The following WDR72 variants were observed in gnomAD, a reference collection of about 807,000 sequenced individuals.
The protein encoded by WDR72 is WD repeat-containing protein 72.
In WDR72, 120 loss-of-function variants were observed where a neutral mutation model predicts 124.2. The observed-to-expected ratio is 0.97, with a 90% CI of 0.83 to 1.12. The LOEUF is 1.12. Ranked by LOEUF, WDR72 falls within the 50% of genes most tolerant of loss-of-function variation. WDR72 has a pLI of 0.00. For missense variants in WDR72, 1,387 were observed against 1,278.8 expected, an observed-to-expected ratio of 1.08 and a Z score of -1.29; for synonymous variants, 452 against 441.7, an observed-to-expected ratio of 1.02 and a Z score of -0.29.
At chr15:53,642,210 G>A (rs2014878442) in intron 14 of WDR72, among the ~76,000 whole-genome samples, 2 of 151,926 alleles carry the variant, frequency 1.3e-5, no homozygotes, top group Admixed American at 1.3e-4. Context: ...CATTATAATA[G>A]CATAAACTAG....
chr15:53,665,368 C>A (rs953210422), intron 14 of WDR72, among the ~76,000 whole-genome samples: 1 of 152,112 alleles, frequency 6.6e-6, no homozygotes, highest in African/African-American at 2.4e-5. Context: ...AAGCCAGAAC[C>A]TATTTTGTCA....
chr15:53,644,386 C>G (rs2014966712), intron 14 of WDR72, among the ~76,000 whole-genome samples: 1 of 152,038 alleles, frequency 6.6e-6, no homozygotes, highest in Non-Finnish European at 1.5e-5. Flanking sequence ...ATTTTATCTT[C>G]ATTGACAGAA....
intron 17 of WDR72, among the ~76,000 whole-genome samples, chr15:53,601,639 G>A (rs1199718925): frequency 1.3e-5 from 2 of 152,108 alleles, no homozygotes; most frequent in East Asian, 3.8e-4. Context: ...TAAAGGGTTG[G>A]AGGAAAATCT....
chr15:53,589,055 T>C (rs2012361926), intron 18 of WDR72, among the ~76,000 whole-genome samples: 2 of 151,888 alleles, frequency 1.3e-5, no homozygotes, highest in African/African-American at 4.8e-5. Flanking sequence ...AAACTGTAAC[T>C]GAATAAGGAG....
intron 1 of WDR72, among the ~76,000 whole-genome samples, chr15:53,757,488 T>C (rs2018940599): frequency 1.3e-5 from 2 of 151,864 alleles, no homozygotes; most frequent in African/African-American, 4.8e-5. Flanking sequence ...CCAGGCATGG[T>C]GGCAGGCACC....
At chr15:53,579,462 T>G (rs1039239420) in intron 18 of WDR72, among the ~76,000 whole-genome samples, 1 of 152,204 alleles carries the variant, frequency 6.6e-6, no homozygotes, top group South Asian at 2.1e-4. Context: ...CCCTATCTTT[T>G]GGTGTGTGGT....
intron 1 of WDR72, among the ~76,000 whole-genome samples, chr15:53,739,081 C>T (rs1439381544): frequency 6.6e-6 from 1 of 152,142 alleles, no homozygotes. Context: ...TATGAAAGCA[C>T]ATAGGACAAA....
chr15:53,706,153 G>C (rs1383974026), intron 9 of WDR72, 79 bp from the exon 10 acceptor site: 3 of 1,432,350 alleles, frequency 2.1e-6, no homozygotes, highest in Non-Finnish European at 1.9e-6. Context: ...GGAGAAACAA[G>C]ACTTAATAAC....
intron 13 of WDR72, among the ~76,000 whole-genome samples, chr15:53,686,536 C>A (rs559382140): frequency 6.6e-6 from 1 of 151,936 alleles, no homozygotes; most frequent in East Asian, 1.9e-4. Context: ...ATGCACTCAA[C>A]ACAAGAGCAC....
chr15:53,567,309 A>G (rs1894337079), intron 18 of WDR72, among the ~76,000 whole-genome samples: 1 of 151,996 alleles, frequency 6.6e-6, no homozygotes, highest in East Asian at 1.9e-4. Context: ...AGACTGTGTA[A>G]TATGTAGTTC....
intron 14 of WDR72, among the ~76,000 whole-genome samples, chr15:53,653,573 T>C (rs1362163882): frequency 6.6e-6 from 1 of 152,218 alleles, no homozygotes; most frequent in Admixed American, 6.5e-5. Flanking sequence ...GAACCTGTAG[T>C]TGACGTTTTT....
At chr15:53,730,244 TACTAA>T (rs1237064049) in intron 2 of WDR72, among the ~76,000 whole-genome samples, 3 of 152,226 alleles carry the variant, frequency 2.0e-5, no homozygotes, top group African/African-American at 7.2e-5. Flanking sequence ...GAAGACATTA[TACTAA>T]ATAAAATAAG....
chr15:53,569,649 G>T (rs970997574), intron 18 of WDR72, among the ~76,000 whole-genome samples: 3 of 152,034 alleles, frequency 2.0e-5, no homozygotes, highest in African/African-American at 4.8e-5. Flanking sequence ...GGTACCAGAA[G>T]ATATGAAGCA....
intron 18 of WDR72, among the ~76,000 whole-genome samples, chr15:53,589,220 C>T (rs923006442): frequency 2.0e-5 from 3 of 151,876 alleles, no homozygotes; most frequent in Middle Eastern, 3.4e-3. Context: ...TTTTAATTTC[C>T]TGTGAGCTTG....
intron 18 of WDR72, among the ~76,000 whole-genome samples, chr15:53,554,621 G>A (rs1445291056): frequency 6.6e-6 from 1 of 152,066 alleles, no homozygotes; most frequent in African/African-American, 2.4e-5. Context: ...CTAGATTTAT[G>A]GGTGAGGTCC....
chr15:53,689,196 A>G (rs566547950), intron 13 of WDR72, among the ~76,000 whole-genome samples: 3 of 152,200 alleles, frequency 2.0e-5, no homozygotes, highest in Non-Finnish European at 4.4e-5. Context: ...AATGCCAACA[A>G]AAGCCAAAAT....
intron 18 of WDR72, among the ~76,000 whole-genome samples, chr15:53,530,320 A>C (rs1892380455): frequency 6.6e-6 from 1 of 151,868 alleles, no homozygotes; most frequent in South Asian, 2.1e-4. Context: ...GATAATGAAG[A>C]AAAAGAGATT....
intron 18 of WDR72, among the ~76,000 whole-genome samples, chr15:53,574,503 TA>T (rs2140309873): frequency 6.6e-6 from 1 of 152,286 alleles, no homozygotes; most frequent in African/African-American, 2.4e-5. Context: ...TCGGAAATGA[TA>T]AAATGTGGAG....
chr15:53,685,753 T>C (rs1175028638), intron 13 of WDR72, among the ~76,000 whole-genome samples: 142 of 148,556 alleles, frequency 9.6e-4, no homozygotes, highest in East Asian at 5.7e-3. Flanking sequence ...CCAAGACACA[T>C]AATTGTCAGA....
Sources: gnomAD v4.1 joint callset for allele counts (sites outside exome capture counted in the v4.1 genomes callset) on GRCh38, gnomAD v4.1.1 for gene constraint, MANE v1.5 for transcripts, NCBI Gene and HGNC (gene_info 2026-07-23, HGNC 2026-07-21) for gene names.